The following ADGRD1 variants were observed in gnomAD, a reference collection of about 807,000 sequenced individuals.
ADGRD1 encodes the protein adhesion G protein-coupled receptor D1, also known as G-protein coupled receptor 133.
In ADGRD1, 77 loss-of-function variants were observed where a neutral mutation model predicts 113.4. The observed-to-expected ratio is 0.68, with a 90% CI of 0.57 to 0.82. The LOEUF is 0.82. Ranked by LOEUF, ADGRD1 falls within the 40% of genes least tolerant of loss-of-function variation. The probability of loss-of-function intolerance (pLI) is 0.00; values close to 1 mark genes in which losing one functional copy is unlikely to be tolerated. For missense variants in ADGRD1, 1,036 were observed against 1,139.1 expected (o/e 0.91, Z 1.30); for synonymous variants, 474 against 475.0 (o/e 1.00, Z 0.03).
chr12:131,113,232 T>C lies in ADGRD1; in HGVS notation c.2041+4355T>C, dbSNP rs1246032800. On this transcript the variant is annotated intron_variant, in intron 18 of 24. Coordinates refer to ENST00000261654, the MANE Select transcript of ADGRD1 (RefSeq NM_198827.5). This position sits in a 1 kb window ranked among gnomAD's most constrained non-coding sequence, Gnocchi z 4.9. Reference sequence around the variant, plus strand: ...AATTTGCTGTAAACCCTTAGGAAAATGTACAGAGACTTTAAATGATTATGT... The same window carrying C: ...AATTTGCTGTAAACCCTTAGGAAAACGTACAGAGACTTTAAATGATTATGT... Among the ~76,000 whole-genome samples the C allele has an allele frequency of 2.6e-5, 4 of 152,160 alleles. No individual in the cohort carries two copies. Among genetic ancestry groups the C allele is most frequent in the Non-Finnish European group, 5.9e-5 (4 of 68,048 alleles).
rs373409072 is a variant in ADGRD1, at chr12:130,954,135, C to G, written c.-331C>G. On this transcript the variant is annotated 5_prime_UTR_variant, in exon 1 of 25. Coordinates refer to ENST00000261654, the MANE Select transcript of ADGRD1 (RefSeq NM_198827.5). This position sits in a 1 kb window ranked among gnomAD's most constrained non-coding sequence, Gnocchi z 4.7. ...CGCAGGACAAACAGCCTCCCGTCCCCGGGCGCAGGTCGCGGTCACAGTGGT... is the reference window on the plus strand; with the variant it reads ...CGCAGGACAAACAGCCTCCCGTCCCGGGGCGCAGGTCGCGGTCACAGTGGT... 3 of 305,840 alleles carry G rather than the reference C, an allele frequency of 9.8e-6. No homozygotes were observed. Among genetic ancestry groups the G allele is most frequent in the Admixed American group, 5.0e-5 (1 of 19,992 alleles). 18.9% of individuals were successfully genotyped at this position (305,840 alleles called of 1,614,324 possible). A position where few individuals can be genotyped will look rare whatever the true frequency, so the allele number is the denominator to read the frequency against.
chr12:131,028,785 C>T (rs1271327505), intron 13 of ADGRD1, among the ~76,000 whole-genome samples: 1 of 152,234 alleles, frequency 6.6e-6, no homozygotes, highest in Non-Finnish European at 1.5e-5. Context: ...TCCGTCATCC[C>T]ATTTGCATGC....
At chr12:131,015,641 A>AGATGGAGATGGAGTTGGAGATGGAG (rs1878483753) in intron 13 of ADGRD1, among the ~76,000 whole-genome samples, 1 of 50,866 alleles carries the variant, frequency 2.0e-5, no homozygotes, top group Non-Finnish European at 6.1e-5. Flanking sequence ...TGGAGATGGG[A>AGATGGAGATGGAGTTGGAGATGGAG]ATGGAGATGG....
chr12:130,972,216 C>T (rs189074313), intron 4 of ADGRD1, among the ~76,000 whole-genome samples: 29 of 152,314 alleles, frequency 1.9e-4, no homozygotes, highest in Non-Finnish European at 1.5e-5. Flanking sequence ...ACGTCTGGAT[C>T]ACATTGCAAA....
chr12:130,973,769 A>C (rs978261404), intron 4 of ADGRD1, among the ~76,000 whole-genome samples: 4 of 149,548 alleles, frequency 2.7e-5, no homozygotes, highest in African/African-American at 9.8e-5. Context: ...GATACTGTTC[A>C]TGTGGCCACT....
intron 18 of ADGRD1, among the ~76,000 whole-genome samples, chr12:131,117,207 A>C (rs1282922829): frequency 6.6e-6 from 1 of 152,188 alleles, no homozygotes; most frequent in African/African-American, 2.4e-5. Context: ...TTTCTACCTC[A>C]TTCGTGGGCC....
chr12:130,956,149 C>T (rs143001753), intron 2 of ADGRD1, among the ~76,000 whole-genome samples: 71 of 152,334 alleles, frequency 4.7e-4, no homozygotes, highest in Non-Finnish European at 2.2e-4. Flanking sequence ...GGGCAGATCC[C>T]AGGGCGATAC....
intron 13 of ADGRD1, among the ~76,000 whole-genome samples, chr12:131,061,111 A>G (rs1278006510): frequency 6.6e-6 from 1 of 152,164 alleles, no homozygotes; most frequent in Non-Finnish European, 1.5e-5. Flanking sequence ...CAGCGGTATA[A>G]GTATAATGAG....
At chr12:131,078,527 G>A (rs1466785543) in intron 14 of ADGRD1, among the ~76,000 whole-genome samples, 1 of 152,182 alleles carries the variant, frequency 6.6e-6, no homozygotes, top group Non-Finnish European at 1.5e-5. Context: ...CCGGGGCACT[G>A]TTTGGAGAAA....
intron 4 of ADGRD1, among the ~76,000 whole-genome samples, chr12:130,975,063 A>G (rs575722192): frequency 3.3e-5 from 5 of 152,266 alleles, no homozygotes; most frequent in African/African-American, 1.2e-4. Context: ...TGTTCCCTCA[A>G]TACTCAGGAT....
intron 15 of ADGRD1, among the ~76,000 whole-genome samples, chr12:131,101,377 CTTTTTT>C (rs71095334): frequency 4.7e-4 from 17 of 36,144 alleles, no homozygotes; most frequent in South Asian, 3.2e-3. Flanking sequence ...TTCTTTCTTT[CTTTTTT>C]TTTTTTTTTT....
At chr12:131,123,042 T>TGAGGGCTCA (rs1950638647) in intron 20 of ADGRD1, among the ~76,000 whole-genome samples, 1 of 42,250 alleles carries the variant, frequency 2.4e-5, no homozygotes, top group African/African-American at 1.2e-4. Context: ...CTGGGGAGTT[T>TGAGGGCTCA]TTTTTTTTTT....
At chr12:130,955,973 G>A (rs1251957652) in intron 2 of ADGRD1, among the ~76,000 whole-genome samples, 1 of 152,130 alleles carries the variant, frequency 6.6e-6, no homozygotes, top group Non-Finnish European at 1.5e-5. Context: ...ATTTTTAGTA[G>A]ACACAAGGTT....
In ADGRD1 at chr12:131,096,515, C is replaced by T. The variant is rs575985910; in HGVS notation, c.1672-8316C>T. 2.0e-5 allele frequency among the ~76,000 whole-genome samples: 3 copies of T among 152,312 alleles called. No individual in the cohort carries two copies. The highest frequency in any genetic ancestry group is 3.9e-4 in the East Asian group (2 of 5,180). ...TGTTAACCACTGCATAGCTCTCCCGCGGGTGGACACTGAAGTCATGGTGGT... is the reference window on the plus strand; with the variant it reads ...TGTTAACCACTGCATAGCTCTCCCGTGGGTGGACACTGAAGTCATGGTGGT... On this transcript the variant is annotated intron_variant, in intron 15 of 24. Transcript: ENST00000261654. This position sits in a 1 kb window ranked among gnomAD's most constrained non-coding sequence, Gnocchi z 5.2.
chr12:131,049,569 C>A (rs973854938), intron 13 of ADGRD1, among the ~76,000 whole-genome samples: 6 of 152,206 alleles, frequency 3.9e-5, no homozygotes, highest in African/African-American at 1.4e-4. Flanking sequence ...CCCAGAGTGA[C>A]CTTGTAGATC....
chr12:131,131,387 G>A (rs766934621), intron 20 of ADGRD1, among the ~76,000 whole-genome samples: 9 of 152,204 alleles, frequency 5.9e-5, no homozygotes, highest in Non-Finnish European at 1.0e-4. Flanking sequence ...CTGAGGCTCC[G>A]AGGACCTGGG....
At chr12:131,054,507 C>T (rs1326536755) in intron 13 of ADGRD1, among the ~76,000 whole-genome samples, 1 of 152,200 alleles carries the variant, frequency 6.6e-6, no homozygotes, top group Non-Finnish European at 1.5e-5. Flanking sequence ...TCTGTGCGCT[C>T]CACCCAGTGC....
intron 12 of ADGRD1, among the ~76,000 whole-genome samples, chr12:131,010,941 G>A (rs575551538): frequency 1.5e-4 from 23 of 152,286 alleles, no homozygotes; most frequent in Non-Finnish European, 2.6e-4. Flanking sequence ...TATCTGCTCC[G>A]ATGCCCTCTG....
intron 3 of ADGRD1, chr12:130,969,888 C>A (rs1871415244): frequency 6.6e-6 from 1 of 152,096 alleles, no homozygotes; most frequent in South Asian, 2.1e-4. Context: ...CAAGATGAGA[C>A]CTTTTCTAGA....
Sources: gnomAD v4.1 joint callset for allele counts (sites outside exome capture counted in the v4.1 genomes callset) on GRCh38, gnomAD v4.1.1 for gene constraint, Gnocchi (gnomAD v3.1) non-coding constraint, MANE v1.5 for transcripts, NCBI Gene and HGNC (gene_info 2026-07-23, HGNC 2026-07-21) for gene names.